The following WDPCP variants were observed in gnomAD, a reference collection of about 807,000 sequenced individuals.
The protein encoded by WDPCP is WD repeat-containing and planar cell polarity effector protein fritz homolog.
Under a neutral mutation model 93.1 loss-of-function variants are expected in WDPCP, and 71 were observed. That is an observed-to-expected ratio of 0.76 (90% CI 0.63 to 0.93). WDPCP has a LOEUF of 0.93. Ranked by LOEUF, WDPCP falls within the 40% of genes least tolerant of loss-of-function variation. The pLI is 0.00. For synonymous variants in WDPCP, 315 were observed against 315.0 expected, an observed-to-expected ratio of 1.00 and a Z score of 0.00; for missense variants, 844 against 887.4, an observed-to-expected ratio of 0.95 and a Z score of 0.62.
chr2:63,754,309 A>G (rs555760112), intron 2 of WDPCP, among the ~76,000 whole-genome samples: 5 of 152,356 alleles, frequency 3.3e-5, no homozygotes, highest in African/African-American at 1.2e-4. Context: ...CCAAGTGAAC[A>G]GGATCTGAAC....
chr2:63,351,712 A>G (rs917764006), intron 12 of WDPCP, among the ~76,000 whole-genome samples: 2 of 152,188 alleles, frequency 1.3e-5, no homozygotes, highest in Non-Finnish European at 2.9e-5. Flanking sequence ...TGCTGTTGTG[A>G]ATAGTGCGGT....
chr2:63,410,856 T>C (rs1187144981), intron 9 of WDPCP, among the ~76,000 whole-genome samples: 1 of 152,180 alleles, frequency 6.6e-6, no homozygotes, highest in Non-Finnish European at 1.5e-5. Context: ...GTCCTAAATA[T>C]ATATGCACCT....
At chr2:63,750,849 T>C (rs955711177) in intron 2 of WDPCP, among the ~76,000 whole-genome samples, 1 of 152,198 alleles carries the variant, frequency 6.6e-6, no homozygotes. Context: ...CTGTATATTA[T>C]TACTGATATA....
At chr2:63,325,358 C>T (rs558311229) in intron 12 of WDPCP, among the ~76,000 whole-genome samples, 8 of 152,294 alleles carry the variant, frequency 5.3e-5, no homozygotes, top group African/African-American at 1.9e-4. Context: ...GCACACTGTC[C>T]CAGAGTGCAA....
rs1390770009 is a variant in WDPCP, at chr2:63,604,679, G to C, written n.488+45980C>G. On this transcript the variant is annotated intron_variant and non_coding_transcript_variant, in intron 3 of 4. Coordinates refer to the WDPCP transcript ENST00000467687. ...AACCATTTGTCTCAGTAATGTATTT[G>C]TTTTCAATTTAACTAGATTGCTCTT... The C allele has an allele frequency of 2.5e-6, 4 of 1,600,876 alleles. No homozygotes were observed. The South Asian group carries it at 4.4e-5, about 18-fold the overall frequency.
chr2:63,412,331 C>A (rs190893568), intron 9 of WDPCP, among the ~76,000 whole-genome samples: 1 of 152,222 alleles, frequency 6.6e-6, no homozygotes. Context: ...ATCCAGCACC[C>A]CTTTATGATT....
intron 6 of WDPCP, among the ~76,000 whole-genome samples, chr2:63,468,271 C>G (rs1699478319): frequency 2.6e-5 from 4 of 152,178 alleles, no homozygotes; most frequent in Non-Finnish European, 5.9e-5. Flanking sequence ...CACATCTCCC[C>G]CACAAATCTC....
chr2:63,434,014 C>T, intron 8 of WDPCP, 78 bp from the exon 9 acceptor site: 8 of 1,448,282 alleles, frequency 5.5e-6, no homozygotes, highest in Non-Finnish European at 6.7e-6. Flanking sequence ...AAAATTAAAG[C>T]ATCTGGAAAT....
At chr2:63,472,040 T>C (rs1699721320) in intron 6 of WDPCP, among the ~76,000 whole-genome samples, 1 of 152,136 alleles carries the variant, frequency 6.6e-6, no homozygotes, top group Admixed American at 6.5e-5. Context: ...AGATACAGAA[T>C]TATAGGCTAA....
At chr2:63,823,597 T>G (rs944848955) in intron 1 of WDPCP, among the ~76,000 whole-genome samples, 13 of 152,236 alleles carry the variant, frequency 8.5e-5, no homozygotes, top group Admixed American at 7.2e-4. Flanking sequence ...AGTAACATTT[T>G]GTTGTTTGTT....
At chr2:63,293,827 A>G (rs1684629686) in intron 13 of WDPCP, among the ~76,000 whole-genome samples, 1 of 152,198 alleles carries the variant, frequency 6.6e-6, no homozygotes, top group Admixed American at 6.5e-5. Context: ...AACAGAAAGA[A>G]AAAAGACTGA....
intron 17 of WDPCP, among the ~76,000 whole-genome samples, chr2:63,139,853 T>A (rs1670924658): frequency 6.6e-6 from 1 of 152,222 alleles, no homozygotes; most frequent in African/African-American, 2.4e-5. Flanking sequence ...TTTATTGCAT[T>A]TGCTTTTGGG....
intron 14 of WDPCP, among the ~76,000 whole-genome samples, chr2:63,220,937 A>C (rs576444388): frequency 6.6e-6 from 1 of 152,200 alleles, no homozygotes; most frequent in South Asian, 2.1e-4. Flanking sequence ...TCCCATTTAC[A>C]AGTGACAACA....
intron 2 of WDPCP, among the ~76,000 whole-genome samples, chr2:63,785,108 T>C (rs540596983): frequency 3.3e-5 from 5 of 152,364 alleles, no homozygotes; most frequent in African/African-American, 1.2e-4. Flanking sequence ...CCATTGGTTT[T>C]GCTCTTTAAT....
chr2:63,183,563 G>T lies in WDPCP; in HGVS notation c.1916-8731C>A, dbSNP rs187644442. On this transcript the variant is annotated intron_variant, in intron 14 of 17. Coordinates refer to ENST00000272321, the MANE Select transcript of WDPCP (RefSeq NM_015910.7). Reference sequence around the variant, plus strand: ...GTGACCTAATATATGGTCTGTGTTTGAGAATGCTGCATGCACTGATGAGAA... The same window carrying T: ...GTGACCTAATATATGGTCTGTGTTTTAGAATGCTGCATGCACTGATGAGAA... Among the ~76,000 whole-genome samples the T allele has an allele frequency of 7.9e-5, 12 of 152,202 alleles. No individual in the cohort carries two copies. In the East Asian group the frequency reaches 2.3e-3, roughly 29 times the overall value.
At chr2:63,573,047 G>A (rs1383927933) in intron 1 of WDPCP, among the ~76,000 whole-genome samples, 1 of 152,018 alleles carries the variant, frequency 6.6e-6, no homozygotes, top group East Asian at 1.9e-4. Context: ...AAGAGTCTGA[G>A]AGCAGCCCAG....
intron 12 of WDPCP, among the ~76,000 whole-genome samples, chr2:63,366,522 TTATCTATC>T (rs58522539): frequency 0.8 from 120,936 of 151,354 alleles, 49,180 homozygotes; most frequent in East Asian, 0.97. Flanking sequence ...TGTGCCCTTA[TTATCTATC>T]TATCTTCCAG....
chr2:63,582,052 C>A (rs1265708614), intron 1 of WDPCP, among the ~76,000 whole-genome samples: 1 of 149,582 alleles, frequency 6.7e-6, no homozygotes, highest in Non-Finnish European at 1.5e-5. Flanking sequence ...AAAAAAATTA[C>A]CAGACTTCCA....
At chr2:63,730,271 A>G (rs548108937) in intron 2 of WDPCP, among the ~76,000 whole-genome samples, 70 of 152,154 alleles carry the variant, frequency 4.6e-4, no homozygotes, top group African/African-American at 1.6e-3. Flanking sequence ...CACAGCTACT[A>G]TGTGACAGAA....
Sources: gnomAD v4.1 joint callset for allele counts (sites outside exome capture counted in the v4.1 genomes callset) on GRCh38, gnomAD v4.1.1 for gene constraint, MANE v1.5 for transcripts, NCBI Gene and HGNC (gene_info 2026-07-23, HGNC 2026-07-21) for gene names.